The following CD109 variants were observed in gnomAD, a reference collection of about 807,000 sequenced individuals.
The protein encoded by CD109 is CD109 antigen.
Under a neutral mutation model 165.8 loss-of-function variants are expected in CD109, and 149 were observed. That is an observed-to-expected ratio of 0.90 (90% CI 0.79 to 1.03). The LOEUF (loss-of-function observed/expected upper bound fraction) is 1.03, where lower values mean the gene tolerates loss of function less well. Among genes scored for constraint, CD109 ranks in the 50% least tolerant of loss-of-function variants. The pLI is 0.00. For missense variants in CD109, 1,712 were observed against 1,677.8 expected (o/e 1.02, Z -0.36); for synonymous variants, 585 against 592.1 (o/e 0.99, Z 0.18).
chr6:73,696,277 C>T lies in CD109; in HGVS notation c.62C>T (p.Ala21Val). The T allele has an allele frequency of 1.3e-6, 2 of 1,526,722 alleles. No homozygotes were observed. The highest frequency in any genetic ancestry group is 8.8e-7 in the Non-Finnish European group (1 of 1,142,550). 94.6% of individuals were successfully genotyped at this position (1,526,722 alleles called of 1,614,324 possible). ...CTCTGCGTGTGCACCGCCGCGCTGG[C>T]CGTGGCTCCCGGGTAGGAACGTGGG... is the stretch of plus-strand genomic sequence containing the variant. The part of the protein sequence containing the change: ...HLLCVCTAAL[A>V]VAPGPRFLVT... The change falls in exon 1 of 33, where the codon GCC (alanine) becomes GTC (valine). Residue 21 changes from alanine (A) to valine (V), a missense_variant. Coordinates refer to ENST00000287097, the MANE Select transcript of CD109 (RefSeq NM_133493.5).
chr6:73,730,599 A>C, intron 4 of CD109, 25 bp downstream of exon 4: 1 of 1,475,518 alleles, frequency 6.8e-7, no homozygotes, highest in Non-Finnish European at 9.4e-7. Context: ...GAAATGAAGC[A>C]AGGAATTCTA....
chr6:73,796,497 C>T (rs10943130), intron 23 of CD109, among the ~76,000 whole-genome samples: 82,114 of 151,818 alleles, frequency 0.54, 22,710 homozygotes, highest in African/African-American at 0.66. Flanking sequence ...ATTTGTACTA[C>T]TCCATTTTAT....
At chr6:73,746,642 T>G (rs1275574159) in intron 5 of CD109, among the ~76,000 whole-genome samples, 2 of 152,152 alleles carry the variant, frequency 1.3e-5, no homozygotes, top group Non-Finnish European at 2.9e-5. Flanking sequence ...TACTGCATAA[T>G]GTATTTGTAC....
In CD109 at chr6:73,810,666, G is replaced by T. The variant is rs138442925; in HGVS notation, c.3547-326G>T. Among the ~76,000 whole-genome samples the T allele has an allele frequency of 5.7e-3, 795 of 138,644 alleles. 6 individuals are homozygous for T. Among genetic ancestry groups the T allele is most frequent in the Middle Eastern group, 0.022 (6 of 278 alleles). 91.0% of individuals were successfully genotyped at this position (138,644 alleles called of 152,430 possible). A position where few individuals can be genotyped will look rare whatever the true frequency, so the allele number is the denominator to read the frequency against. On this transcript the variant is annotated intron_variant, in intron 27 of 32. Coordinates refer to ENST00000287097, the MANE Select transcript of CD109 (RefSeq NM_133493.5). The stretch of plus-strand genomic sequence containing the variant: ...TAACAAGTGAATTTAGTAACATTGT[G>T]GTATAAAAAAATCATTGTACAGAAA...
chr6:73,775,568 T>C (rs750090092), intron 15 of CD109, among the ~76,000 whole-genome samples: 1 of 152,214 alleles, frequency 6.6e-6, no homozygotes, highest in Admixed American at 6.5e-5. Context: ...GTTTGTTACA[T>C]AGGCAACCTT....
intron 9 of CD109, 52 bp downstream of exon 9, chr6:73,762,934 C>T: frequency 6.8e-7 from 1 of 1,470,032 alleles, no homozygotes; most frequent in Non-Finnish European, 9.1e-7. Context: ...ACTGCTTTAT[C>T]ATCTTTCTTA....
intron 5 of CD109, among the ~76,000 whole-genome samples, chr6:73,754,416 C>T (rs893137619): frequency 6.6e-6 from 1 of 152,066 alleles, no homozygotes; most frequent in African/African-American, 2.4e-5. Flanking sequence ...TGTTTAGAGA[C>T]TGAGTGAGGG....
chr6:73,763,652 T>C lies in CD109; in HGVS notation c.1074T>C (p.Thr358=). 6.3e-7 allele frequency: 1 copy of C among 1,589,952 alleles called. No homozygotes were observed. The highest frequency in any genetic ancestry group is 8.6e-7 in the Non-Finnish European group (1 of 1,165,630). Residue 358 remains threonine, a synonymous_variant, in exon 10 of 33, where the codon ACT becomes ACC. Transcript: ENST00000287097. ...DYIIEFFDYT[T]VLKPSLNFTA... The stretch of plus-strand genomic sequence containing the variant: ...TCATTGAGTTTTTTGATTATACTAC[T>C]GTCTTGAAGCCATCTCTCAACTTCA...
intron 7 of CD109, among the ~76,000 whole-genome samples, chr6:73,759,548 CTA>C (rs1341102521): frequency 2.0e-5 from 3 of 152,130 alleles, no homozygotes; most frequent in Non-Finnish European, 4.4e-5. Context: ...CTTCCCGGTT[CTA>C]TTTGGGACAA....
upstream of CD109, among the ~76,000 whole-genome samples, chr6:73,691,692 T>C (rs1770695303): frequency 6.6e-6 from 1 of 152,214 alleles, no homozygotes; most frequent in Non-Finnish European, 1.5e-5. Flanking sequence ...CTCATAGTTA[T>C]GTTATGCTGC....
chr6:73,789,323 T>TA (rs1221639574), intron 22 of CD109, among the ~76,000 whole-genome samples: 2 of 152,202 alleles, frequency 1.3e-5, no homozygotes, highest in African/African-American at 4.8e-5. Flanking sequence ...TGTATAAATT[T>TA]ATGGGATACA....
At chr6:73,801,428 G>T (rs1403842641) in intron 23 of CD109, among the ~76,000 whole-genome samples, 1 of 152,166 alleles carries the variant, frequency 6.6e-6, no homozygotes, top group Non-Finnish European at 1.5e-5. Flanking sequence ...AAACATAAAG[G>T]TATAATCTAA....
chr6:73,751,495 G>C (rs762418670), intron 5 of CD109, among the ~76,000 whole-genome samples: 2 of 151,962 alleles, frequency 1.3e-5, no homozygotes, highest in Non-Finnish European at 2.9e-5. Flanking sequence ...ACAGTTCCAT[G>C]CTGACTTGCT....
chr6:73,778,728 G>A (rs1774358525), intron 15 of CD109, among the ~76,000 whole-genome samples: 1 of 151,942 alleles, frequency 6.6e-6, no homozygotes, highest in South Asian at 2.1e-4. Context: ...TGCAGCCATG[G>A]TTGTTGTTAG....
intron 30 of CD109, among the ~76,000 whole-genome samples, chr6:73,816,626 T>C (rs575551695): frequency 6.6e-6 from 1 of 152,262 alleles, no homozygotes; most frequent in South Asian, 2.1e-4. Flanking sequence ...CCAGGCATGG[T>C]GTCTGTGTGT....
chr6:73,712,233 AGTTTT>A (rs1402169447), intron 2 of CD109, among the ~76,000 whole-genome samples: 1 of 152,180 alleles, frequency 6.6e-6, no homozygotes, highest in East Asian at 1.9e-4. Context: ...TGTATTTTAA[AGTTTT>A]GTTTTCCATG....
intron 7 of CD109, among the ~76,000 whole-genome samples, chr6:73,760,199 A>C (rs767222862): frequency 2.1e-4 from 32 of 151,522 alleles, no homozygotes; most frequent in Admixed American, 1.1e-3. Flanking sequence ...CAAGGTCAGG[A>C]GATCGAGACC....
chr6:73,728,802 T>C (rs2150177324), intron 3 of CD109, among the ~76,000 whole-genome samples: 1 of 152,362 alleles, frequency 6.6e-6, no homozygotes. Flanking sequence ...TCAGTTTTAA[T>C]ATGAAAATCA....
At chr6:73,742,813 A>G (rs773042043) in intron 5 of CD109, among the ~76,000 whole-genome samples, 2 of 152,242 alleles carry the variant, frequency 1.3e-5, no homozygotes, top group Non-Finnish European at 2.9e-5. Flanking sequence ...GCTTGTTTAA[A>G]GATGCATAGT....
Sources: allele counts gnomAD v4.1 joint callset (sites outside exome capture counted in the v4.1 genomes callset), GRCh38; gene constraint gnomAD v4.1.1; transcripts MANE v1.5; gene names NCBI Gene and HGNC (gene_info 2026-07-23, HGNC 2026-07-21).